LEMD2: variants seen among roughly 807,000 people sequenced by gnomAD.
LEMD2 encodes LEM domain nuclear envelope protein 2.
A neutral mutation model predicts 58.8 loss-of-function variants in LEMD2; 34 were observed. The observed-to-expected ratio is 0.58, with a 90% confidence interval of 0.44 to 0.77. The LOEUF is 0.77. Ranked by LOEUF, LEMD2 falls within the 30% of genes least tolerant of loss-of-function variation. LEMD2 has a pLI of 0.00. For synonymous variants in LEMD2, 298 were observed against 308.9 expected, an observed-to-expected ratio of 0.96 and a Z score of 0.37; for missense variants, 629 against 717.9, an observed-to-expected ratio of 0.88 and a Z score of 1.42.
In LEMD2 at chr6:33,784,398, C is replaced by A. The variant is rs374175778; in HGVS notation, c.807G>T (p.Leu269Phe). Residue 269 changes from leucine to phenylalanine, a missense_variant, in exon 3 of 9, where the codon TTG becomes TTT. This residue lies in a region of LEMD2 where 243 missense variants were observed against 336.8 expected (regional missense o/e 0.72). Transcript: ENST00000293760. ...EFCQAKQKAA[L>F]LELLHELYNF... ...TGTAGAGTTCATGCAGCAGCTCCAG[C>A]AAGGCTGCCTTCTGCTTGGCCTGAC... 89 of 1,371,572 alleles carry A rather than the reference C, an allele frequency of 6.5e-5. No homozygotes were observed. In the Middle Eastern group the frequency reaches 8.5e-4, roughly 13 times the overall value. 85.0% of individuals were successfully genotyped at this position (1,371,572 alleles called of 1,614,324 possible).
rs1224832773 is a variant in LEMD2, at chr6:33,778,292, A to T, written c.1106T>A (p.Leu369Gln). The T allele has an allele frequency of 1.2e-6, 2 of 1,609,618 alleles. No individual in the cohort carries two copies. The highest frequency in any genetic ancestry group is 1.7e-6 in the Non-Finnish European group (2 of 1,177,616). Reference protein sequence around the residue: ...AHPRMGVGCRLSRALLTAVTN... With the variant: ...AHPRMGVGCRQSRALLTAVTN... The stretch of plus-strand genomic sequence containing the variant: ...GACAGCAGTGAGCAAGGCCCGGCTC[A>T]GGCGGCAGCCAACACCCATGCGGGG... The change falls in exon 6 of 9, where the codon CTG (leucine) becomes CAG (glutamine). Residue 369 changes from leucine (L) to glutamine (Q), a missense_variant. Transcript: ENST00000293760. This position sits in a 1 kb window ranked among gnomAD's most constrained non-coding sequence, Gnocchi z 4.7.
chr6:33,773,449 G>A (rs1767350218), intron 8 of LEMD2, among the ~76,000 whole-genome samples: 1 of 152,122 alleles, frequency 6.6e-6, no homozygotes, highest in Admixed American at 6.5e-5. Flanking sequence ...CCTTTGTGAA[G>A]CATGGTATTG....
At chr6:33,780,321 C>G (rs1767537164) in intron 4 of LEMD2, 142 bp from the exon 5 acceptor site, 1 of 743,614 alleles carries the variant, frequency 1.3e-6, no homozygotes, top group Non-Finnish European at 2.4e-6. Flanking sequence ...AGCAAAGTGG[C>G]AGGAAGGAAA....
chr6:33,778,575 A>C lies in LEMD2; in HGVS notation c.1011-188T>G, dbSNP rs531514801. 3.5e-5 allele frequency: 15 copies of C among 425,718 alleles called. No individual in the cohort carries two copies. The East Asian group carries it at 5.3e-4, about 15-fold the overall frequency. 26.4% of individuals were successfully genotyped at this position (425,718 alleles called of 1,614,324 possible). ...CCACATTGGCTACTTAGAATGAATA[A>C]AGCTTTAAAGACGGCAGCAGGCTTG... On this transcript the variant is annotated intron_variant, in intron 5 of 8. Transcript: ENST00000293760. This position sits in a 1 kb window ranked among gnomAD's most constrained non-coding sequence, Gnocchi z 4.7.
intron 8 of LEMD2, among the ~76,000 whole-genome samples, chr6:33,774,991 T>A (rs898250609): frequency 2.6e-5 from 4 of 152,122 alleles, no homozygotes; most frequent in Non-Finnish European, 5.9e-5. Flanking sequence ...AATGAATGAA[T>A]GAATGATAGT....
In LEMD2 at chr6:33,788,826, G is replaced by C; in HGVS notation, c.291C>G (p.Ala97=). 7.0e-7 allele frequency: 1 copy of C among 1,426,316 alleles called. No individual in the cohort carries two copies. Among genetic ancestry groups the C allele is most frequent in the Non-Finnish European group, 9.2e-7 (1 of 1,092,494 alleles). The allele number at this position is 1,426,316 out of a possible 1,614,324, so 88.4% of individuals were successfully genotyped here. Residue 97 remains alanine, a synonymous_variant, in exon 1 of 9, where the codon GCC becomes GCG. Transcript: ENST00000293760. ...PWLSQPASGS[A]YATPGAYGDI... is the part of the protein sequence containing the mutation. The stretch of plus-strand genomic sequence containing the variant: ...CACCGTAGGCCCCAGGGGTCGCGTA[G>C]GCCGAGCCCGAGGCCGGCTGGGAGA...
At chr6:33,783,985 G>A (rs1386437623) in intron 3 of LEMD2, among the ~76,000 whole-genome samples, 4 of 152,330 alleles carry the variant, frequency 2.6e-5, no homozygotes, top group South Asian at 4.1e-4. Flanking sequence ...GGTCCCTCTA[G>A]GGTGAAGGAC....
chr6:33,784,465 TG>T, intron 2 of LEMD2, 38 bp from the exon 3 acceptor site: 1 of 24,716 alleles, frequency 4.0e-5, no homozygotes. Flanking sequence ...CAAGGAGGGG[TG>T]GGTGGGAGGG....
intron 3 of LEMD2, 33 bp from the exon 4 acceptor site, chr6:33,781,186 C>CA: frequency 7.3e-7 from 1 of 1,371,138 alleles, no homozygotes; most frequent in South Asian, 1.2e-5. Context: ...TGCTCAAACA[C>CA]AAAGGAAAAA....
chr6:33,787,914 G>A (rs538420701), intron 1 of LEMD2, among the ~76,000 whole-genome samples: 1 of 152,234 alleles, frequency 6.6e-6, no homozygotes, highest in Non-Finnish European at 1.5e-5. Context: ...GTGGAGAGTG[G>A]ACTTTTTGGT....
At chr6:33,785,496 A>T (rs1767657883) in intron 2 of LEMD2, among the ~76,000 whole-genome samples, 10 of 152,210 alleles carry the variant, frequency 6.6e-5, no homozygotes, top group Admixed American at 5.2e-4. Flanking sequence ...GTGGAGCCTG[A>T]GTGTGTCCAG....
Position 33,780,134 on chromosome 6 carries a change from A to T in LEMD2, c.976T>A (p.Trp326Arg), listed in dbSNP as rs151281068. Residue 326 changes from tryptophan to arginine, a missense_variant, in exon 5 of 9, where the codon TGG becomes AGG. Trp to Arg is a moderately radical substitution (Grantham distance 101, BLOSUM62 -3). This residue lies in a region of LEMD2 where 243 missense variants were observed against 336.8 expected (regional missense o/e 0.72). Transcript: ENST00000293760. ...ACGTCCTTGTTACTGCTCAGTATCC[A>T]GGTCAGTGCGGCTTCAAACTTGGCG... is the stretch of plus-strand genomic sequence containing the variant. Reference protein sequence around the residue: ...SSAKFEAALTWILSSNKDVGI... With the variant: ...SSAKFEAALTRILSSNKDVGI... The T allele has an allele frequency of 1.1e-5, 17 of 1,596,686 alleles. No homozygotes were observed. Among genetic ancestry groups the T allele is most frequent in the African/African-American group, 1.3e-5 (1 of 74,696 alleles).
In LEMD2 at chr6:33,778,317, G is replaced by A; in HGVS notation, c.1081C>T (p.Pro361Ser). 1 of 1,608,480 alleles carries A rather than the reference G, an allele frequency of 6.2e-7. No homozygotes were observed. Among genetic ancestry groups the A allele is most frequent in the South Asian group, 1.1e-5 (1 of 90,522 alleles). ...AGGCGGCAGCCAACACCCATGCGGG[G>A]GTGGGCAGATTCCAGGCAGACCACC... Reference protein sequence around the residue: ...DKVVCLESAHPRMGVGCRLSR... With the variant: ...DKVVCLESAHSRMGVGCRLSR... The change falls in exon 6 of 9, where the codon CCC (proline) becomes TCC (serine). Residue 361 changes from proline (P) to serine (S), a missense_variant. By Grantham distance (74) the Pro-to-Ser change is moderately conservative. Coordinates refer to ENST00000293760, the MANE Select transcript of LEMD2 (RefSeq NM_181336.4). The surrounding 1 kb of genome is among the most constrained non-coding windows in gnomAD (Gnocchi z 4.7).
chr6:33,784,477 G>GGGGGGCCCCCCCC, intron 2 of LEMD2, 50 bp from the exon 3 acceptor site: 3 of 430,798 alleles, frequency 7.0e-6, no homozygotes, highest in Non-Finnish European at 9.5e-6. Flanking sequence ...GGTGGGAGGG[G>GGGGGGCCCCCCCC]TCCGTCTGTC....
chr6:33,780,122 T>C lies in LEMD2; in HGVS notation c.988A>G (p.Ser330Gly). ...CACCAGATGCCCACGTCCTTGTTAC[T>C]GCTCAGTATCCAGGTCAGTGCGGCT... ...FEAALTWILS[S>G]NKDVGIWLKG... The change falls in exon 5 of 9, where the codon AGT becomes GGT. Residue 330 changes from serine (S) to glycine (G), a missense_variant. Ser to Gly is a moderately conservative substitution (Grantham distance 56). Transcript: ENST00000293760. The C allele has an allele frequency of 6.3e-7, 1 of 1,594,982 alleles. No individual in the cohort carries two copies. Among genetic ancestry groups the C allele is most frequent in the South Asian group, 1.1e-5 (1 of 87,986 alleles).
intron 3 of LEMD2, among the ~76,000 whole-genome samples, chr6:33,783,484 G>A (rs6933568): frequency 0.22 from 33,305 of 152,084 alleles, 3,866 homozygotes; most frequent in Admixed American, 0.29. Flanking sequence ...GGTAAGAGGC[G>A]CCTCTTGAAT....
Position 33,777,247 on chromosome 6 carries a change from G to T in LEMD2, c.1157-8C>A. ...CCCACAAAAAAGCCAAGCCTGTGAG[G>T]GAACAAAACACTGTTAATCCCTCAC... On this transcript the variant is annotated splice_polypyrimidine_tract_variant and splice_region_variant and intron_variant, in intron 6 of 8. Coordinates refer to ENST00000293760, the MANE Select transcript of LEMD2 (RefSeq NM_181336.4). 6.3e-7 allele frequency: 1 copy of T among 1,577,630 alleles called. No individual in the cohort carries two copies. Among genetic ancestry groups the T allele is most frequent in the Non-Finnish European group, 8.7e-7 (1 of 1,146,716 alleles).
chr6:33,776,968 G>A lies in LEMD2; in HGVS notation c.1347C>T (p.Ile449=). ...CAGGGACTCACCGGCTCTGTGGAGG[G>A]ATCAAGCTGTCGCGCACGTGCAGGA... ...VGILHVRDSL[I]PPQSRRRMKR... The change falls in exon 8 of 9, where the codon ATC becomes ATT. Residue 449 remains isoleucine, a synonymous_variant. Coordinates refer to ENST00000293760, the MANE Select transcript of LEMD2 (RefSeq NM_181336.4). The A allele has an allele frequency of 1.2e-6, 2 of 1,613,524 alleles. No homozygotes were observed. The highest frequency in any genetic ancestry group is 1.1e-5 in the South Asian group (1 of 91,056).
At chr6:33,780,282 G>A in intron 4 of LEMD2, 103 bp from the exon 5 acceptor site, 1 of 994,820 alleles carries the variant, frequency 1.0e-6, no homozygotes, top group Non-Finnish European at 1.6e-6. Flanking sequence ...GTCCTCCACA[G>A]CCCCAAAACC....
Sources: allele counts gnomAD v4.1 joint callset (sites outside exome capture counted in the v4.1 genomes callset), GRCh38; gene constraint gnomAD v4.1.1; regional missense constraint gnomAD v4.1.1; non-coding constraint Gnocchi (gnomAD v3.1); transcripts MANE v1.5; gene names NCBI Gene and HGNC (gene_info 2026-07-23, HGNC 2026-07-21).